The following UGT1A10 variants were observed in gnomAD, a reference collection of about 807,000 sequenced individuals.
The protein encoded by UGT1A10 is UDP glucuronosyltransferase family 1 member A10, also known as UDP-glucuronosyltransferase 1A10.
UGT1A10 carries 49 observed loss-of-function variants against 45.8 expected under a neutral mutation model. The observed-to-expected ratio is 1.07, with a 90% CI of 0.85 to 1.36. UGT1A10 has a LOEUF of 1.36. Ranked by LOEUF, UGT1A10 falls within the 40% of genes most tolerant of loss-of-function variation. The pLI is 0.00. For synonymous variants in UGT1A10, 284 were observed against 249.7 expected, an observed-to-expected ratio of 1.14 and a Z score of -1.29; for missense variants, 745 against 668.6, an observed-to-expected ratio of 1.11 and a Z score of -1.26.
At chr2:233,715,899 C>T (rs1227216690) in intron 1 of UGT1A10, among the ~76,000 whole-genome samples, 1 of 152,172 alleles carries the variant, frequency 6.6e-6, no homozygotes, top group African/African-American at 2.4e-5. Context: ...TTGGGAGGCT[C>T]AGGTGGGAGG....
chr2:233,677,144 A>G (rs1460371629), intron 1 of UGT1A10, among the ~76,000 whole-genome samples: 2 of 152,182 alleles, frequency 1.3e-5, no homozygotes, highest in African/African-American at 4.8e-5. Context: ...GAGAAACAAC[A>G]TCTTAGCAAT....
At position 233,767,154 on chromosome 2, in the gene UGT1A10, A is replaced by C. The variant is rs1339405023; in HGVS notation, c.976A>C (p.Ile326Leu). ...AMAIADALGK[I>L]PQTVLWRYTG... Reference sequence around the variant, plus strand: ...GGCAATTGCTGATGCTTTGGGCAAAATCCCTCAGACAGTAAGAAGATTCTA... The same window carrying C: ...GGCAATTGCTGATGCTTTGGGCAAACTCCCTCAGACAGTAAGAAGATTCTA... Residue 326 changes from isoleucine (I) to leucine (L), a missense_variant, in exon 2 of 5, where the codon ATC (isoleucine) becomes CTC (leucine). Physicochemically the swap from Ile to Leu is conservative, Grantham distance 5 (BLOSUM62 2). Transcript: ENST00000344644. 1.9e-5 allele frequency: 31 copies of C among 1,614,082 alleles called. No homozygotes were observed. The highest frequency in any genetic ancestry group is 2.6e-5 in the Non-Finnish European group (31 of 1,180,002).
At chr2:233,657,466 G>A (rs1364305393) in intron 1 of UGT1A10, among the ~76,000 whole-genome samples, 1 of 152,124 alleles carries the variant, frequency 6.6e-6, no homozygotes, top group African/African-American at 2.4e-5. Flanking sequence ...AAAAAGGAGG[G>A]GTTGCCAGGA....
intron 1 of UGT1A10, chr2:233,747,953 T>A (rs1693820704): frequency 6.2e-7 from 1 of 1,613,400 alleles, no homozygotes; most frequent in Admixed American, 1.7e-5. Flanking sequence ...CAGTGGTGGA[T>A]CTTCTCAGCC....
At chr2:233,742,895 G>A (rs1191973216) in intron 1 of UGT1A10, 1 of 164,996 alleles carries the variant, frequency 6.1e-6, no homozygotes, top group African/African-American at 2.4e-5. Flanking sequence ...TTTCCCAACG[G>A]AAAAAGGTAA....
At position 233,681,767 on chromosome 2, in the gene UGT1A10, C is replaced by T. The variant is rs546728626; in HGVS notation, c.855+44390C>T. 229 of 897,050 alleles carry T rather than the reference C, an allele frequency of 2.6e-4. 1 individual carries two copies. In the African/African-American group the frequency reaches 3.8e-3, roughly 15 times the overall value. The allele number at this position is 897,050 out of a possible 1,614,324, so 55.6% of individuals were successfully genotyped here. A position where few individuals can be genotyped will look rare whatever the true frequency, so the allele number is the denominator to read the frequency against. ...ATATAAGCAGGTATCTCAGCAAAGGCTACTCATGTATTATTATGAGTAAAT... is the reference window on the plus strand; with the variant it reads ...ATATAAGCAGGTATCTCAGCAAAGGTTACTCATGTATTATTATGAGTAAAT... On this transcript the variant is annotated intron_variant, in intron 1 of 4. Transcript: ENST00000344644.
At chr2:233,750,094 G>C (rs1227492206) in intron 1 of UGT1A10, among the ~76,000 whole-genome samples, 2 of 151,908 alleles carry the variant, frequency 1.3e-5, no homozygotes, top group Non-Finnish European at 2.9e-5. Flanking sequence ...GAACAGTTTG[G>C]AGAGCTCAGA....
At position 233,711,685 on chromosome 2, in the gene UGT1A10, T is replaced by C. The variant is rs187300831; in HGVS notation, c.856-55349T>C. 2.5e-3 allele frequency among the ~76,000 whole-genome samples: 380 copies of C among 152,250 alleles called. 1 individual carries two copies. Among genetic ancestry groups the C allele is most frequent in the African/African-American group, 8.7e-3 (363 of 41,544 alleles). Reference sequence around the variant, plus strand: ...ATCTATTATCAATGTGGATTTCTAATGGGGGTAACTTCCTCCCTAAGGGAA... The same window carrying C: ...ATCTATTATCAATGTGGATTTCTAACGGGGGTAACTTCCTCCCTAAGGGAA... On this transcript the variant is annotated intron_variant, in intron 1 of 4. Transcript: ENST00000344644.
intron 1 of UGT1A10, chr2:233,691,800 T>G (rs1028258003): frequency 9.0e-5 from 20 of 221,568 alleles, no homozygotes; most frequent in Admixed American, 2.6e-4. Context: ...CTTATACTTC[T>G]CAAATCTTAA....
At position 233,747,957 on chromosome 2, in the gene UGT1A10, C is replaced by G. The variant is rs113780348; in HGVS notation, c.856-19077C>G. On this transcript the variant is annotated intron_variant, in intron 1 of 4. Transcript: ENST00000344644. Reference sequence around the variant, plus strand: ...GAGGGAGGTGTCAGTGGTGGATCTTCTCAGCCATGCATCTGTGTGGCTGTT... The same window carrying G: ...GAGGGAGGTGTCAGTGGTGGATCTTGTCAGCCATGCATCTGTGTGGCTGTT... 1,995 of 1,613,432 alleles carry G rather than the reference C, an allele frequency of 1.2e-3. 66 individuals carry two copies. The African/African-American group carries it at 0.02, about 16-fold the overall frequency.
At position 233,718,885 on chromosome 2, in the gene UGT1A10, T is replaced by C. The variant is rs774756189; in HGVS notation, c.856-48149T>C. ...ACAGGACTGCTGCTCCTCCTCAGTG[T>C]CCAGCCCTGGGCTGAGAGTGGAAAG... On this transcript the variant is annotated intron_variant, in intron 1 of 4. Transcript: ENST00000344644. The C allele has an allele frequency of 6.2e-6, 10 of 1,613,986 alleles. No individual in the cohort carries two copies. Among genetic ancestry groups the C allele is most frequent in the Middle Eastern group, 1.7e-4 (1 of 5,990 alleles).
intron 1 of UGT1A10, among the ~76,000 whole-genome samples, chr2:233,761,626 A>C (rs1697818460): frequency 6.6e-6 from 1 of 152,238 alleles, no homozygotes; most frequent in Non-Finnish European, 1.5e-5. Flanking sequence ...TAAGAAGCTA[A>C]ATCCTGCAGT....
At chr2:233,659,358 C>T (rs2073920880) in intron 1 of UGT1A10, among the ~76,000 whole-genome samples, 1 of 151,940 alleles carries the variant, frequency 6.6e-6, no homozygotes, top group Non-Finnish European at 1.5e-5. Flanking sequence ...ACGTAAATAG[C>T]CAATGAACAC....
At position 233,772,831 on chromosome 2, in the gene UGT1A10, T is replaced by TCACACAAGAAAGCCAGCAAGGAAG; in HGVS notation, c.*273_*274insACACAAGAAAGCCAGCAAGGAAGC. 1 of 893,952 alleles carries TCACACAAGAAAGCCAGCAAGGAAG rather than the reference T, an allele frequency of 1.1e-6. No homozygotes were observed. The highest frequency in any genetic ancestry group is 1.6e-6 in the Non-Finnish European group (1 of 642,656). 55.4% of individuals were successfully genotyped at this position (893,952 alleles called of 1,614,324 possible). A position where few individuals can be genotyped will look rare whatever the true frequency, so the allele number is the denominator to read the frequency against. On this transcript the variant is annotated 3_prime_UTR_variant, in exon 5 of 5. Coordinates refer to ENST00000344644, the MANE Select transcript of UGT1A10 (RefSeq NM_019075.4). ...AGAGGACGTGCAGACAGGCTGGCATTCTAGATTACTTTTCTTACTCTGAAA... is the reference window on the plus strand; with the variant it reads ...AGAGGACGTGCAGACAGGCTGGCATTCACACAAGAAAGCCAGCAAGGAAGCTAGATTACTTTTCTTACTCTGAAA...
intron 1 of UGT1A10, among the ~76,000 whole-genome samples, chr2:233,659,048 A>G (rs918147921): frequency 6.6e-6 from 1 of 152,216 alleles, no homozygotes; most frequent in Non-Finnish European, 1.5e-5. Flanking sequence ...ACAGCATCCT[A>G]ACAATTTTGA....
chr2:233,677,973 G>A (rs2074405013), intron 1 of UGT1A10, among the ~76,000 whole-genome samples: 1 of 152,106 alleles, frequency 6.6e-6, no homozygotes, highest in African/African-American at 2.4e-5. Flanking sequence ...CATACTCCAT[G>A]GAATATGCAG....
intron 1 of UGT1A10, among the ~76,000 whole-genome samples, chr2:233,698,591 A>G (rs2075449213): frequency 6.6e-6 from 1 of 152,214 alleles, no homozygotes; most frequent in Non-Finnish European, 1.5e-5. Context: ...ATAATCCAAG[A>G]AATTCGGATT....
intron 1 of UGT1A10, among the ~76,000 whole-genome samples, chr2:233,667,539 C>A (rs113172541): frequency 1.3e-5 from 2 of 152,052 alleles, no homozygotes; most frequent in Non-Finnish European, 2.9e-5. Context: ...AATGGGATCT[C>A]ATTAAACTAA....
chr2:233,646,192 C>A (rs2125470003), intron 1 of UGT1A10, among the ~76,000 whole-genome samples: 1 of 152,324 alleles, frequency 6.6e-6, no homozygotes, highest in East Asian at 1.9e-4. Flanking sequence ...GGATGCAAGA[C>A]ACCAAGTCCC....
Sources: gnomAD v4.1 joint callset for allele counts (sites outside exome capture counted in the v4.1 genomes callset) on GRCh38, gnomAD v4.1.1 for gene constraint, MANE v1.5 for transcripts, NCBI Gene and HGNC (gene_info 2026-07-23, HGNC 2026-07-21) for gene names.